UNC5D: variants seen among roughly 807,000 people sequenced by gnomAD.
UNC5D encodes the protein unc-5 netrin receptor D, also known as netrin receptor UNC5D.
UNC5D carries 39 observed loss-of-function variants against 105.4 expected under a neutral mutation model. That is an observed-to-expected ratio of 0.37 (90% confidence interval 0.29 to 0.48). UNC5D has a LOEUF of 0.48. Among genes scored for constraint, UNC5D ranks in the 20% least tolerant of loss-of-function variants. UNC5D has a pLI of 0.98. For synonymous variants in UNC5D, 452 were observed against 450.4 expected (o/e 1.00, Z -0.04); for missense variants, 991 against 1,202.4 (o/e 0.82, Z 2.60).
chr8:35,744,851 G>C (rs566181044), intron 11 of UNC5D, among the ~76,000 whole-genome samples: 1 of 152,070 alleles, frequency 6.6e-6, no homozygotes, highest in Non-Finnish European at 1.5e-5. Context: ...TCAGGAGTTC[G>C]AGACCAGCCT....
chr8:35,618,809 T>C (rs944492376), intron 4 of UNC5D, among the ~76,000 whole-genome samples: 3 of 152,180 alleles, frequency 2.0e-5, no homozygotes, highest in African/African-American at 4.8e-5. Flanking sequence ...CCTGACACTT[T>C]GTTAATTACT....
intron 1 of UNC5D, among the ~76,000 whole-genome samples, chr8:35,287,582 C>A (rs1806699440): frequency 6.6e-6 from 1 of 151,622 alleles, no homozygotes; most frequent in African/African-American, 2.4e-5. Context: ...TCATTTGAGT[C>A]CAGGAGTTCA....
At chr8:35,512,481 TA>T (rs1812788907) in intron 1 of UNC5D, among the ~76,000 whole-genome samples, 7 of 112,192 alleles carry the variant, frequency 6.2e-5, no homozygotes, top group Non-Finnish European at 1.3e-4. Context: ...TATATATATA[TA>T]TATATATATA....
At chr8:35,647,380 C>T (rs1586330241) in intron 4 of UNC5D, among the ~76,000 whole-genome samples, 1 of 116,000 alleles carries the variant, frequency 8.6e-6, no homozygotes, top group Non-Finnish European at 1.8e-5. Flanking sequence ...TTTGGAGCTC[C>T]TGTGTATTTG....
chr8:35,702,874 G>C (rs16875855), intron 7 of UNC5D, among the ~76,000 whole-genome samples: 8,559 of 152,154 alleles, frequency 0.056, 481 homozygotes, highest in African/African-American at 0.12. Flanking sequence ...CACTGATACA[G>C]AAGATATGCT....
intron 1 of UNC5D, among the ~76,000 whole-genome samples, chr8:35,334,486 T>G (rs1017681533): frequency 1.1e-4 from 16 of 152,126 alleles, no homozygotes; most frequent in African/African-American, 3.9e-4. Context: ...ATTTTTTTTT[T>G]GGTATAATTA....
intron 1 of UNC5D, among the ~76,000 whole-genome samples, chr8:35,532,416 G>C (rs1373974800): frequency 1.6e-5 from 2 of 121,700 alleles, no homozygotes; most frequent in East Asian, 4.4e-4. Flanking sequence ...CGAGAGATCC[G>C]CTGTTAGTCT....
At position 35,486,711 on chromosome 8, in the gene UNC5D, A is replaced by G. The variant is rs148465098; in HGVS notation, c.104-62581A>G. On this transcript the variant is annotated intron_variant, in intron 1 of 16. Transcript: ENST00000404895. ...CTAGGAAAAAATGCAAAGTGAGTAC[A>G]TGCTTCCCATGGATTAGGTATCATT... Among the ~76,000 whole-genome samples, 31 of 152,312 alleles carry G rather than the reference A, an allele frequency of 2.0e-4. No homozygotes were observed. In the East Asian group the frequency reaches 6.0e-3, roughly 29 times the overall value.
At chr8:35,255,754 A>G (rs1804036525) in intron 1 of UNC5D, 2 of 152,322 alleles carry the variant, frequency 1.3e-5, no homozygotes, top group South Asian at 4.1e-4. Context: ...ACATCATGAC[A>G]TATATTCAAA....
chr8:35,565,107 C>T (rs1331239159), intron 2 of UNC5D, among the ~76,000 whole-genome samples: 1 of 152,206 alleles, frequency 6.6e-6, no homozygotes, highest in African/African-American at 2.4e-5. Flanking sequence ...GGTAGATACC[C>T]AGTAGTGGGA....
At position 35,244,618 on chromosome 8, in the gene UNC5D, AT is replaced by A. The variant is rs546454067; in HGVS notation, c.103+8733del. Among the ~76,000 whole-genome samples the A allele has an allele frequency of 3.2e-3, 489 of 152,314 alleles. 2 individuals are homozygous for A. The highest frequency in any genetic ancestry group is 0.011 in the African/African-American group (464 of 41,560). On this transcript the variant is annotated intron_variant, in intron 1 of 16. Coordinates refer to ENST00000404895, the MANE Select transcript of UNC5D (RefSeq NM_080872.4). ...GTATGGAGTAATTGATGTGTAGAAT[AT>A]TCTGAAGAACTTTTGAAAAATCAGG... is the stretch of plus-strand genomic sequence containing the variant.
intron 4 of UNC5D, among the ~76,000 whole-genome samples, chr8:35,682,810 T>C (rs578118732): frequency 6.6e-6 from 1 of 152,272 alleles, no homozygotes. Context: ...TTCTTCAGCA[T>C]CTAGGAGAAA....
intron 1 of UNC5D, among the ~76,000 whole-genome samples, chr8:35,547,698 C>G (rs764562741): frequency 2.6e-5 from 4 of 152,346 alleles, no homozygotes; most frequent in Admixed American, 1.3e-4. Flanking sequence ...GCTCTGGTCA[C>G]AACTGCATCA....
chr8:35,586,778 T>C (rs1231397201), intron 3 of UNC5D, among the ~76,000 whole-genome samples: 2 of 152,200 alleles, frequency 1.3e-5, no homozygotes, highest in East Asian at 3.9e-4. Context: ...ACTATGATTT[T>C]TCACTGGCTG....
At chr8:35,532,351 C>T (rs963933807) in intron 1 of UNC5D, among the ~76,000 whole-genome samples, 24 of 149,174 alleles carry the variant, frequency 1.6e-4, no homozygotes, top group African/African-American at 5.2e-4. Flanking sequence ...AAATTCTTTT[C>T]TTTAAGAATG....
intron 1 of UNC5D, among the ~76,000 whole-genome samples, chr8:35,287,022 T>A (rs1372923271): frequency 1.3e-5 from 2 of 152,142 alleles, no homozygotes; most frequent in African/African-American, 2.4e-5. Flanking sequence ...AGAAATACTA[T>A]TTGATCTCAG....
intron 8 of UNC5D, among the ~76,000 whole-genome samples, chr8:35,710,931 A>ATTATTT (rs1827896059): frequency 8.2e-6 from 1 of 122,026 alleles, no homozygotes; most frequent in African/African-American, 4.2e-5. Context: ...GCTCAGCATT[A>ATTATTT]TTCTTTTTTT....
chr8:35,420,311 C>T (rs932820596), intron 1 of UNC5D, among the ~76,000 whole-genome samples: 1 of 152,172 alleles, frequency 6.6e-6, no homozygotes, highest in Non-Finnish European at 1.5e-5. Flanking sequence ...TTCATACATA[C>T]CCTCTTGATG....
intron 1 of UNC5D, among the ~76,000 whole-genome samples, chr8:35,384,774 C>T (rs1193683464): frequency 6.6e-6 from 1 of 152,174 alleles, no homozygotes; most frequent in East Asian, 1.9e-4. Context: ...GTTGATCTAC[C>T]TGCCATAAGT....
Sources: allele counts gnomAD v4.1 joint callset (sites outside exome capture counted in the v4.1 genomes callset), GRCh38; gene constraint gnomAD v4.1.1; transcripts MANE v1.5; gene names NCBI Gene and HGNC (gene_info 2026-07-23, HGNC 2026-07-21).